OGFR: variants seen among roughly 807,000 people sequenced by gnomAD.
The protein encoded by OGFR is opioid growth factor receptor, also known as protein 7-60.
A neutral mutation model predicts 33.6 loss-of-function variants in OGFR; 18 were observed. That is an observed-to-expected ratio of 0.54 (90% confidence interval 0.37 to 0.80). The LOEUF is 0.80. Among genes scored for constraint, OGFR ranks in the 30% least tolerant of loss-of-function variants. OGFR has a pLI of 0.00. For synonymous variants in OGFR, 370 were observed against 400.7 expected (o/e 0.92, Z 0.91); for missense variants, 877 against 955.8 (o/e 0.92, Z 1.09).
intron 3 of OGFR, 112 bp from the exon 4 acceptor site, chr20:62,809,473 C>T (rs1431343830): frequency 1.3e-6 from 1 of 798,038 alleles, no homozygotes; most frequent in Non-Finnish European, 2.2e-6. Context: ...CGAGGAATAG[C>T]TTGGGGAAGC....
Position 62,813,066 on chromosome 20 carries a change from C to T in OGFR, c.1451C>T (p.Ser484Phe). Reference protein sequence around the residue: ...GGAQTLALAGSPAPSGHPKAG... With the variant: ...GGAQTLALAGFPAPSGHPKAG... ...GCCCAGACCTTGGCCCTTGCCGGGT[C>T]CCCTGCCCCATCGGGGCACCCCAAG... The change falls in exon 7 of 7, where the codon TCC (serine) becomes TTC (phenylalanine). Residue 484 changes from serine (S) to phenylalanine (F), a missense_variant. Ser to Phe is a radical substitution (Grantham distance 155). Around this residue, in one of 3 missense-constraint regions of OGFR, gnomAD observed 760 missense variants for 736.0 expected, o/e 1.03. Transcript: ENST00000290291. 1.3e-6 allele frequency: 2 copies of T among 1,582,156 alleles called. No homozygotes were observed. The highest frequency in any genetic ancestry group is 1.7e-6 in the Non-Finnish European group (2 of 1,164,080).
chr20:62,806,728 G>A (rs7275041), intron 1 of OGFR: 47,212 of 151,986 alleles, frequency 0.31, 7,753 homozygotes, highest in Middle Eastern at 0.37. Context: ...GGACAAATAC[G>A]CCCATTCCTG....
chr20:62,807,408 G>A (rs974591164), intron 1 of OGFR, 129 bp from the exon 2 acceptor site: 11 of 749,540 alleles, frequency 1.5e-5, no homozygotes, highest in African/African-American at 1.2e-4. Context: ...TGAGAGGGAG[G>A]AGCCATGAAA....
chr20:62,807,787 C>T (rs535612607), intron 2 of OGFR, 182 bp downstream of exon 2: 29 of 637,980 alleles, frequency 4.5e-5, no homozygotes, highest in East Asian at 3.8e-4. Flanking sequence ...TCCCCTCTCG[C>T]GGGAGACCGG....
chr20:62,812,183 A>T lies in OGFR; in HGVS notation c.615-47A>T, dbSNP rs143363914. ...AGGCCAGGGCGGGGTGCGGCCCAGC[A>T]GGAGGGGCCCCAGCCATTGACCTCT... On this transcript the variant is annotated intron_variant, in intron 6 of 6. Coordinates refer to ENST00000290291, the MANE Select transcript of OGFR (RefSeq NM_007346.4). 3.5e-3 allele frequency: 4,966 copies of T among 1,436,350 alleles called. 13 individuals carry two copies. Among genetic ancestry groups the T allele is most frequent in the Non-Finnish European group, 4.0e-3 (4,336 of 1,085,858 alleles). 89.0% of individuals were successfully genotyped at this position (1,436,350 alleles called of 1,614,324 possible). A position where few individuals can be genotyped will look rare whatever the true frequency, so the allele number is the denominator to read the frequency against.
intron 1 of OGFR, 119 bp from the exon 2 acceptor site, chr20:62,807,418 A>C: frequency 1.2e-6 from 1 of 822,252 alleles, no homozygotes; most frequent in South Asian, 1.6e-5. Flanking sequence ...GAGCCATGAA[A>C]CCCCCGCCCT....
Position 62,807,782 on chromosome 20 carries a change from T to A in OGFR, c.240+177T>A, listed in dbSNP as rs1014795301. 5 of 647,858 alleles carry A rather than the reference T, an allele frequency of 7.7e-6. No individual in the cohort carries two copies. The African/African-American group carries it at 9.2e-5, about 12-fold the overall frequency. The allele number at this position is 647,858 out of a possible 1,614,324, so 40.1% of individuals were successfully genotyped here. ...TAGATTCAGAGCCCTGCCCTTCCCC[T>A]CTCGCGGGAGACCGGGGGCATCCCC... On this transcript the variant is annotated intron_variant, in intron 2 of 6. Transcript: ENST00000290291.
At position 62,812,521 on chromosome 20, in the gene OGFR, T is replaced by A. The variant is rs1990754352; in HGVS notation, c.906T>A (p.His302Gln). ...GGTTCAAGCCCAGCTCTCTGCCCCATCCGCTCGAGGGCTCCAGGAAGGTGG... is the reference window on the plus strand; with the variant it reads ...GGTTCAAGCCCAGCTCTCTGCCCCAACCGCTCGAGGGCTCCAGGAAGGTGG... ...LRRFKPSSLP[H>Q]PLEGSRKVEE... is the part of the protein sequence containing the mutation. Residue 302 changes from histidine to glutamine, a missense_variant, in exon 7 of 7, where the codon CAT (histidine) becomes CAA (glutamine). Physicochemically the swap from His to Gln is conservative, Grantham distance 24 (BLOSUM62 0). Transcript: ENST00000290291. 6.3e-7 allele frequency: 1 copy of A among 1,585,268 alleles called. No homozygotes were observed. Among genetic ancestry groups the A allele is most frequent in the Admixed American group, 1.8e-5 (1 of 55,746 alleles).
In OGFR at chr20:62,813,341, G is replaced by T. The variant is rs35813009; in HGVS notation, c.1726G>T (p.Glu576Ter). The change falls in exon 7 of 7, where the codon GAG (glutamate) becomes TAG (stop). Residue 576 changes from glutamate to a stop codon, truncating the protein, a stop_gained. Coordinates refer to ENST00000290291, the MANE Select transcript of OGFR (RefSeq NM_007346.4). LOFTEE classifies it low-confidence loss of function (END_TRUNC). Reference sequence around the variant, plus strand: ...AGGACCTGCAGGGGACGAGCCAGCCGAGAGCCCATCGGAGACCCCAGGCCC... The same window carrying T: ...AGGACCTGCAGGGGACGAGCCAGCCTAGAGCCCATCGGAGACCCCAGGCCC... ...PAGPAGDEPAESPSETPGPSP... is the reference protein window; with the variant it reads ...PAGPAGDEPA 1.1e-6 allele frequency: 1 copy of T among 885,020 alleles called. No homozygotes were observed. Among genetic ancestry groups the T allele is most frequent in the Non-Finnish European group, 1.6e-6 (1 of 635,162 alleles). The allele number at this position is 885,020 out of a possible 1,614,324, so 54.8% of individuals were successfully genotyped here.
chr20:62,812,726 G>A lies in OGFR; in HGVS notation c.1111G>A (p.Glu371Lys). 1.3e-6 allele frequency: 2 copies of A among 1,599,124 alleles called. No individual in the cohort carries two copies. Among genetic ancestry groups the A allele is most frequent in the Non-Finnish European group, 1.7e-6 (2 of 1,173,410 alleles). Residue 371 changes from glutamate to lysine, a missense_variant, in exon 7 of 7, where the codon GAA (glutamate) becomes AAA (lysine). By Grantham distance (56) the Glu-to-Lys change is moderately conservative (BLOSUM62 1). Transcript: ENST00000290291. ...SQGDEAGGHG[E>K]DRPEPLSPKE... ...GGGGGATGAGGCAGGGGGCCACGGG[G>A]AAGATAGGCCGGAGCCCTTAAGCCC...
chr20:62,804,952 C>T lies in OGFR; in HGVS notation c.93C>T (p.Ala31=). The T allele has an allele frequency of 2.0e-6, 3 of 1,490,192 alleles. No homozygotes were observed. Among genetic ancestry groups the T allele is most frequent in the Non-Finnish European group, 2.7e-6 (3 of 1,120,194 alleles). The allele number at this position is 1,490,192 out of a possible 1,614,324, so 92.3% of individuals were successfully genotyped here. A position where few individuals can be genotyped will look rare whatever the true frequency, so the allele number is the denominator to read the frequency against. Residue 31 remains alanine (A), a synonymous_variant, in exon 1 of 7, where the codon GCC becomes GCT. Coordinates refer to ENST00000290291, the MANE Select transcript of OGFR (RefSeq NM_007346.4). ...EDEDCEDGEA[A]GARDADAGDE... ...AGGACTGCGAGGACGGCGAGGCCGC[C>T]GGCGCGAGGGACGCGGACGCAGGGG...
At position 62,813,995 on chromosome 20, in the gene OGFR, C is replaced by CT; in HGVS notation, c.*349dup. Reference sequence around the variant, plus strand: ...GCCTTTTCTGAATAAATTCATTTGACTTTGAGTCTTTGGTATGGACCGGGG... The same window carrying CT: ...GCCTTTTCTGAATAAATTCATTTGACTTTTGAGTCTTTGGTATGGACCGGGG... On this transcript the variant is annotated 3_prime_UTR_variant, in exon 7 of 7. Transcript: ENST00000290291. 1 of 358,770 alleles carries CT rather than the reference C, an allele frequency of 2.8e-6. No homozygotes were observed. Among genetic ancestry groups the CT allele is most frequent in the Non-Finnish European group, 5.1e-6 (1 of 194,828 alleles). 22.2% of individuals were successfully genotyped at this position (358,770 alleles called of 1,614,324 possible).
At chr20:62,808,002 G>C (rs922149375) in intron 2 of OGFR, 1 of 608,274 alleles carries the variant, frequency 1.6e-6, no homozygotes, top group South Asian at 1.9e-5. Flanking sequence ...CTGCCTTCAG[G>C]GTGCTGAGGA....
chr20:62,805,148 GC>G (rs1174502507), intron 1 of OGFR, 118 bp downstream of exon 1: 2 of 777,076 alleles, frequency 2.6e-6, no homozygotes, highest in South Asian at 9.8e-5. Flanking sequence ...AGCTCCCGCA[GC>G]CCCGGGGACC....
chr20:62,805,441 C>T (rs1414552418), intron 1 of OGFR: 1 of 153,698 alleles, frequency 6.5e-6, no homozygotes. Flanking sequence ...CGGGCCGGGT[C>T]TGGCCTGGGA....
In OGFR at chr20:62,812,482, A is replaced by G. The variant is rs767040969; in HGVS notation, c.867A>G (p.Gln289=). 1.3e-6 allele frequency: 2 copies of G among 1,579,526 alleles called. No individual in the cohort carries two copies. The highest frequency in any genetic ancestry group is 2.3e-5 in the East Asian group (1 of 43,042). The part of the protein sequence containing the change: ...RPRCKFVWGP[Q]DKLRRFKPSS... ...GCTGCAAGTTCGTCTGGGGGCCCCA[A>G]GACAAGCTGCGGAGGTTCAAGCCCA... The change falls in exon 7 of 7, where the codon CAA becomes CAG. Residue 289 remains glutamine, a synonymous_variant. Coordinates refer to ENST00000290291, the MANE Select transcript of OGFR (RefSeq NM_007346.4).
chr20:62,810,559 G>A lies in OGFR; in HGVS notation c.459G>A (p.Glu153=). The stretch of plus-strand genomic sequence containing the variant: ...ATGCCAAGCCCCTCACGCTCAGGGA[G>A]GTCGAGGTGAGCCAGGCCTTGGCTG... ...NWHAKPLTLR[E]VEVFKSSQEI... Residue 153 remains glutamate, a synonymous_variant, in exon 5 of 7, where the codon GAG becomes GAA. Coordinates refer to ENST00000290291, the MANE Select transcript of OGFR (RefSeq NM_007346.4). The A allele has an allele frequency of 1.2e-6, 2 of 1,612,776 alleles. No individual in the cohort carries two copies. The highest frequency in any genetic ancestry group is 1.7e-6 in the Non-Finnish European group (2 of 1,179,826).
At chr20:62,811,840 C>T (rs1349439540) in intron 6 of OGFR, among the ~76,000 whole-genome samples, 1 of 152,168 alleles carries the variant, frequency 6.6e-6, no homozygotes, top group Non-Finnish European at 1.5e-5. Context: ...GGTGGCAGTC[C>T]ACATAGAGAA....
chr20:62,808,189 G>GC (rs1156864154), intron 2 of OGFR, 58 bp from the exon 3 acceptor site: 10 of 1,344,904 alleles, frequency 7.4e-6, no homozygotes, highest in Non-Finnish European at 1.1e-5. Context: ...GACACGGAGG[G>GC]CCCCAGGGCA....
Sources: allele counts gnomAD v4.1 joint callset (sites outside exome capture counted in the v4.1 genomes callset), GRCh38; gene constraint gnomAD v4.1.1; regional missense constraint gnomAD v4.1.1; transcripts MANE v1.5; gene names NCBI Gene and HGNC (gene_info 2026-07-23, HGNC 2026-07-21).